ZNF488: variants seen among roughly 807,000 people sequenced by gnomAD.
ZNF488 encodes the protein zinc finger protein 488.
ZNF488 carries 1 observed loss-of-function variant against 1.2 expected under a neutral mutation model. The ratio of observed to expected loss-of-function variants is 0.86; its 90% CI spans 0.30 to 4.07. The LOEUF (loss-of-function observed/expected upper bound fraction) is 4.07, where lower values mean the gene tolerates loss of function less well. ZNF488 is among the 30% of genes most tolerant of loss of function. The probability of loss-of-function intolerance (pLI) is 0.18; values close to 1 mark genes in which losing one functional copy is unlikely to be tolerated. For synonymous variants in ZNF488, 185 were observed against 190.1 expected, an observed-to-expected ratio of 0.97 and a Z score of 0.22; for missense variants, 450 against 437.9, an observed-to-expected ratio of 1.03 and a Z score of -0.25.
At position 47,367,996 on chromosome 10, in the gene ZNF488, T is replaced by A; in HGVS notation, c.834A>T (p.Ala278=). The A allele has an allele frequency of 6.2e-7, 1 of 1,614,070 alleles. No individual in the cohort carries two copies. Among genetic ancestry groups the A allele is most frequent in the Non-Finnish European group, 8.5e-7 (1 of 1,180,000 alleles). The change falls in exon 2 of 2, where the codon GCA becomes GCT. Residue 278 remains alanine (A), a synonymous_variant. Transcript: ENST00000585316. ...TTAGGCGAAAGGACAGGTTGCACTT[T>A]GCACACCAGTTCTGGGTGGACAAGC... ...SLGLSTQNWC[A]KCNLSFRLTS...
chr10:47,368,913 G>A lies in ZNF488; in HGVS notation c.-84C>T. On this transcript the variant is annotated 5_prime_UTR_variant, in exon 2 of 2. Coordinates refer to ENST00000585316, the MANE Select transcript of ZNF488 (RefSeq NM_153034.4). ...ATATGGAAGCTCCCCATGACACTGG[G>A]CTGGACACACTCGGCCACAGGGCCC... 1 of 1,484,700 alleles carries A rather than the reference G, an allele frequency of 6.7e-7. No homozygotes were observed. Among genetic ancestry groups the A allele is most frequent in the Non-Finnish European group, 9.0e-7 (1 of 1,108,960 alleles). The allele number at this position is 1,484,700 out of a possible 1,614,324, so 92.0% of individuals were successfully genotyped here. A position where few individuals can be genotyped will look rare whatever the true frequency, so the allele number is the denominator to read the frequency against.
chr10:47,372,630 C>T (rs1837520214), intron 1 of ZNF488, among the ~76,000 whole-genome samples: 2 of 152,226 alleles, frequency 1.3e-5, no homozygotes, highest in Non-Finnish European at 2.9e-5. Context: ...TCCATCGTTG[C>T]CCCAAATTCC....
Position 47,368,509 on chromosome 10 carries a change from C to A in ZNF488, c.321G>T (p.Arg107Ser). Reference protein sequence around the residue: ...QRQSAFTELPRMKDRQVDAQA... With the variant: ...QRQSAFTELPSMKDRQVDAQA... ...GAGCATCCACCTGCCGGTCCTTCAT[C>A]CTCGGCAGCTCCGTGAAGGCGCTCT... Residue 107 changes from arginine (R) to serine (S), a missense_variant, in exon 2 of 2, where the codon AGG (arginine) becomes AGT (serine). By Grantham distance (110) the Arg-to-Ser change is moderately radical (BLOSUM62 -1). Transcript: ENST00000585316. 2 of 1,613,892 alleles carry A rather than the reference C, an allele frequency of 1.2e-6. No individual in the cohort carries two copies. Among genetic ancestry groups the A allele is most frequent in the Non-Finnish European group, 1.7e-6 (2 of 1,179,996 alleles).
At chr10:47,381,113 G>A (rs1016956368) in intron 1 of ZNF488, among the ~76,000 whole-genome samples, 1 of 152,282 alleles carries the variant, frequency 6.6e-6, no homozygotes, top group East Asian at 1.9e-4. Context: ...GCAAACATCT[G>A]GATAACCTCT....
intron 1 of ZNF488, among the ~76,000 whole-genome samples, chr10:47,380,615 C>T (rs1315877529): frequency 7.5e-6 from 1 of 133,144 alleles, no homozygotes; most frequent in Admixed American, 7.4e-5. Flanking sequence ...TATCACCCAT[C>T]CTCTGGTGAC....
chr10:47,380,434 G>T (rs1381880744), intron 1 of ZNF488, among the ~76,000 whole-genome samples: 12 of 152,410 alleles, frequency 7.9e-5, no homozygotes, highest in African/African-American at 2.6e-4. Flanking sequence ...AGTCTACAGG[G>T]GATCTAACCA....
intron 1 of ZNF488, among the ~76,000 whole-genome samples, chr10:47,377,598 TCTCA>T (rs1588884781): frequency 5.2e-5 from 5 of 96,794 alleles, no homozygotes; most frequent in Admixed American, 2.4e-4. Context: ...GCAATAACAA[TCTCA>T]CACACACACA....
At position 47,367,796 on chromosome 10, in the gene ZNF488, G is replaced by T; in HGVS notation, c.*11C>A. The T allele has an allele frequency of 6.3e-7, 1 of 1,599,416 alleles. No homozygotes were observed. Among genetic ancestry groups the T allele is most frequent in the Non-Finnish European group, 8.5e-7 (1 of 1,173,080 alleles). ...GCTGCTGCACCCAGCAGGTCATTCT[G>T]CGGTCACCTGCTAGCTGTGAGAAGT... On this transcript the variant is annotated 3_prime_UTR_variant, in exon 2 of 2. Coordinates refer to ENST00000585316, the MANE Select transcript of ZNF488 (RefSeq NM_153034.4).
chr10:47,365,699 G>A lies in ZNF488; in HGVS notation c.*2108C>T, dbSNP rs3167874. The A allele has an allele frequency of 0.22, 36,486 of 166,350 alleles. 4,124 individuals carry two copies. The highest frequency in any genetic ancestry group is 0.32 in the Middle Eastern group (94 of 296). The allele number at this position is 166,350 out of a possible 1,614,324, so 10.3% of individuals were successfully genotyped here. A position where few individuals can be genotyped will look rare whatever the true frequency, so the allele number is the denominator to read the frequency against. ...CAACAGGGTGATGCGGCTGAGAGAG[G>A]CAGAGGCTGCAGGGCTGCTTTACGG... On this transcript the variant is annotated 3_prime_UTR_variant, in exon 2 of 2. Transcript: ENST00000585316.
At chr10:47,378,860 C>G (rs1837796958) in intron 1 of ZNF488, among the ~76,000 whole-genome samples, 2 of 152,210 alleles carry the variant, frequency 1.3e-5, no homozygotes, top group South Asian at 4.1e-4. Context: ...GGCTCCACAC[C>G]ACTCCTGATG....
intron 1 of ZNF488, among the ~76,000 whole-genome samples, chr10:47,373,813 C>T (rs1837569121): frequency 6.6e-6 from 1 of 152,204 alleles, no homozygotes; most frequent in African/African-American, 2.4e-5. Context: ...CAAAATGTGC[C>T]ACTTTCTTAA....
chr10:47,380,433 G>A (rs1396962219), intron 1 of ZNF488, among the ~76,000 whole-genome samples: 1 of 152,288 alleles, frequency 6.6e-6, no homozygotes, highest in Non-Finnish European at 1.5e-5. Flanking sequence ...AAGTCTACAG[G>A]GGATCTAACC....
In ZNF488 at chr10:47,366,505, T is replaced by C. The variant is rs1222572279; in HGVS notation, c.*1302A>G. On this transcript the variant is annotated 3_prime_UTR_variant, in exon 2 of 2. Coordinates refer to ENST00000585316, the MANE Select transcript of ZNF488 (RefSeq NM_153034.4). ...GCCTGAGATCTGTGCTGGGGACTCA[T>C]TGGAGGGCTGGAAACTGCATATCAA... 2.4e-5 allele frequency: 4 copies of C among 166,910 alleles called. No individual in the cohort carries two copies. The highest frequency in any genetic ancestry group is 4.8e-5 in the African/African-American group (2 of 41,382). 10.3% of individuals were successfully genotyped at this position (166,910 alleles called of 1,614,324 possible).
chr10:47,369,695 G>A (rs1837395347), intron 1 of ZNF488, among the ~76,000 whole-genome samples: 1 of 152,104 alleles, frequency 6.6e-6, no homozygotes. Context: ...GTACATGTGG[G>A]CAGCTTCATT....
chr10:47,377,639 TGG>T (rs1555214599), intron 1 of ZNF488, among the ~76,000 whole-genome samples: 4 of 55,616 alleles, frequency 7.2e-5, no homozygotes, highest in African/African-American at 3.0e-4. Context: ...CACACACACA[TGG>T]CTGCCACCCA....
intron 1 of ZNF488, among the ~76,000 whole-genome samples, chr10:47,369,632 G>A (rs1268426044): frequency 6.6e-6 from 1 of 152,150 alleles, no homozygotes; most frequent in Non-Finnish European, 1.5e-5. Flanking sequence ...GATTTTCTCA[G>A]AGCCATGCTT....
rs553495809 is a variant in ZNF488 at position 47,375,439 on chromosome 10, T to C, written c.-108-6502A>G. On this transcript the variant is annotated intron_variant, in intron 1 of 1. Transcript: ENST00000585316. ...CAGGGAATCAGCCAGAATGGGATTA[T>C]TTATGGAAATGCTATAAATCAAGGC... is the stretch of plus-strand genomic sequence containing the variant. Among the ~76,000 whole-genome samples the C allele has an allele frequency of 9.2e-5, 14 of 152,340 alleles. No individual in the cohort carries two copies. In the South Asian group the frequency reaches 2.1e-3, roughly 23 times the overall value.
At position 47,367,883 on chromosome 10, in the gene ZNF488, GC is replaced by G; in HGVS notation, c.946del (p.Ala316ProfsTer21). The part of the protein sequence containing the change: ...DPHSQKRREE[A>X]LACPVCQEHF... ...CTCCTGGCACACAGGGCAGGCAAGG[GC>G]CTCTTCTCTCCGCTTCTGAGAATGT... is the stretch of plus-strand genomic sequence containing the variant. On this transcript the variant is annotated frameshift_variant, in exon 2 of 2. Coordinates refer to ENST00000585316, the MANE Select transcript of ZNF488 (RefSeq NM_153034.4). LOFTEE classifies it high-confidence loss of function. 6.8e-6 allele frequency: 11 copies of G among 1,614,024 alleles called. No homozygotes were observed. The highest frequency in any genetic ancestry group is 8.5e-6 in the Non-Finnish European group (10 of 1,180,038).
intron 1 of ZNF488, among the ~76,000 whole-genome samples, chr10:47,379,577 G>A (rs192584223): frequency 1.6e-4 from 6 of 37,106 alleles, no homozygotes; most frequent in African/African-American, 2.3e-4. Flanking sequence ...TAAGGCCAGG[G>A]CACAGCACGT....
Sources: allele counts gnomAD v4.1 joint callset (sites outside exome capture counted in the v4.1 genomes callset), GRCh38; gene constraint gnomAD v4.1.1; transcripts MANE v1.5; gene names NCBI Gene and HGNC (gene_info 2026-07-23, HGNC 2026-07-21).